NTM: variants seen among roughly 807,000 people sequenced by gnomAD.
NTM encodes the protein neurotrimin, also known as IgLON family member 2.
In NTM, 13 loss-of-function variants were observed where a neutral mutation model predicts 42.1. The observed-to-expected ratio is 0.31, with a 90% CI of 0.20 to 0.49. NTM has a LOEUF of 0.49. Ranked by LOEUF, NTM falls within the 20% of genes least tolerant of loss-of-function variation. The pLI is 0.99. For missense variants in NTM, 373 were observed against 452.8 expected (o/e 0.82, Z 1.60); for synonymous variants, 187 against 179.2 (o/e 1.04, Z -0.35).
intron 2 of NTM, among the ~76,000 whole-genome samples, chr11:132,024,418 A>G (rs2074866089): frequency 6.6e-6 from 1 of 152,238 alleles, no homozygotes; most frequent in African/African-American, 2.4e-5. Flanking sequence ...TATTTGTAGA[A>G]AATCTATGCA....
At chr11:132,102,817 C>A (rs1024460867) in intron 2 of NTM, among the ~76,000 whole-genome samples, 4 of 152,160 alleles carry the variant, frequency 2.6e-5, no homozygotes, top group South Asian at 2.1e-4. Context: ...TTAGACAGCC[C>A]CCTTGCTCCC....
chr11:131,946,475 T>C (rs913774997), intron 2 of NTM, among the ~76,000 whole-genome samples: 4 of 152,180 alleles, frequency 2.6e-5, no homozygotes, highest in Non-Finnish European at 4.4e-5. Flanking sequence ...TATATGCAAT[T>C]GTTAAGACAA....
intron 4 of NTM, among the ~76,000 whole-genome samples, chr11:132,297,019 C>T (rs2094636651): frequency 6.6e-6 from 1 of 152,170 alleles, no homozygotes; most frequent in Admixed American, 6.5e-5. Flanking sequence ...GTCATGTCTC[C>T]CTTTCTCCTG....
chr11:131,492,063 A>G (rs1011467130), intron 1 of NTM, among the ~76,000 whole-genome samples: 12 of 152,300 alleles, frequency 7.9e-5, no homozygotes, highest in African/African-American at 2.9e-4. Context: ...AATTTGCCCT[A>G]GGTCACTCTG....
At chr11:131,932,879 C>CGGGACACACAAAGCCTCTTA (rs1393081897) in intron 2 of NTM, among the ~76,000 whole-genome samples, 1 of 152,060 alleles carries the variant, frequency 6.6e-6, no homozygotes, top group Non-Finnish European at 1.5e-5. Context: ...TTTAACTGCC[C>CGGGACACACAAAGCCTCTTA]GGGACACACA....
chr11:131,586,442 C>T (rs1397011807), intron 1 of NTM, among the ~76,000 whole-genome samples: 1 of 152,170 alleles, frequency 6.6e-6, no homozygotes, highest in Non-Finnish European at 1.5e-5. Flanking sequence ...GATTACTCAC[C>T]CAGGGAGCCA....
intron 2 of NTM, among the ~76,000 whole-genome samples, chr11:131,980,546 A>G (rs1016250189): frequency 6.6e-6 from 1 of 152,246 alleles, no homozygotes; most frequent in Admixed American, 6.5e-5. Flanking sequence ...TAAATGAACA[A>G]TTACCTGAAT....
At chr11:132,298,380 C>T (rs1462746910) in intron 4 of NTM, among the ~76,000 whole-genome samples, 1 of 152,136 alleles carries the variant, frequency 6.6e-6, no homozygotes, top group Non-Finnish European at 1.5e-5. Context: ...ACACAGTTCC[C>T]AGACATCAAG....
rs139416841 is a variant in NTM, at chr11:131,434,608, T to C, written c.82+63720T>C. On this transcript the variant is annotated intron_variant, in intron 1 of 8. Transcript: ENST00000683400. ...TCTTCTTTTGAGAAGTGTCTGTTCA[T>C]ATCCTTTGCGCACTTTTCGATGAGG... Among the ~76,000 whole-genome samples, 1,294 of 152,360 alleles carry C rather than the reference T, an allele frequency of 8.5e-3. 25 individuals carry two copies. The highest frequency in any genetic ancestry group is 0.03 in the African/African-American group (1,250 of 41,576).
At chr11:131,422,104 CT>C (rs1947596137) in intron 1 of NTM, among the ~76,000 whole-genome samples, 1 of 152,204 alleles carries the variant, frequency 6.6e-6, no homozygotes, top group African/African-American at 2.4e-5. Context: ...ATCCCGTCTA[CT>C]TTGCCTGATG....
chr11:132,264,773 C>T (rs1395488588), intron 4 of NTM, among the ~76,000 whole-genome samples: 1 of 152,128 alleles, frequency 6.6e-6, no homozygotes, highest in African/African-American at 2.4e-5. Flanking sequence ...TATCTCATTA[C>T]CCAGGCCTTG....
At chr11:131,643,450 G>C (rs1469214651) in intron 1 of NTM, among the ~76,000 whole-genome samples, 1 of 152,210 alleles carries the variant, frequency 6.6e-6, no homozygotes, top group African/African-American at 2.4e-5. Context: ...AGGGGATGAA[G>C]GCTGTTAGTG....
intron 4 of NTM, among the ~76,000 whole-genome samples, chr11:132,252,066 C>G (rs1423682908): frequency 6.6e-6 from 1 of 152,180 alleles, no homozygotes; most frequent in Non-Finnish European, 1.5e-5. Flanking sequence ...GTCCTTGGAG[C>G]ACTCCCTGCC....
intron 1 of NTM, among the ~76,000 whole-genome samples, chr11:131,676,481 G>C (rs2071417161): frequency 6.6e-6 from 1 of 152,168 alleles, no homozygotes; most frequent in African/African-American, 2.4e-5. Flanking sequence ...GCGTGTGCGG[G>C]GGTATGCCTG....
At chr11:132,007,036 G>A (rs1565933244) in intron 2 of NTM, among the ~76,000 whole-genome samples, 2 of 152,208 alleles carry the variant, frequency 1.3e-5, no homozygotes, top group Non-Finnish European at 2.9e-5. Context: ...ATGACATCCA[G>A]TGACTTTCAA....
intron 1 of NTM, among the ~76,000 whole-genome samples, chr11:131,864,523 T>A (rs1266262388): frequency 2.0e-5 from 3 of 152,250 alleles, no homozygotes; most frequent in African/African-American, 7.2e-5. Context: ...TGCAAGGCTC[T>A]GAAACCCTGG....
At chr11:132,202,491 T>C (rs2081310590) in intron 3 of NTM, among the ~76,000 whole-genome samples, 1 of 152,142 alleles carries the variant, frequency 6.6e-6, no homozygotes, top group South Asian at 2.1e-4. Context: ...GGGAAACAGA[T>C]GGCCCTGTCT....
intron 1 of NTM, chr11:131,794,460 C>A (rs1449380307): frequency 7.1e-6 from 7 of 985,080 alleles, no homozygotes; most frequent in Non-Finnish European, 8.4e-6. Flanking sequence ...AGGCGTTTGC[C>A]TTTCCTCCCC....
At chr11:131,554,222 A>G (rs921424731) in intron 1 of NTM, among the ~76,000 whole-genome samples, 13 of 152,134 alleles carry the variant, frequency 8.5e-5, no homozygotes, top group Non-Finnish European at 1.8e-4. Flanking sequence ...TGTCATAGTG[A>G]TGCCCATAGT....
Sources: allele counts gnomAD v4.1 joint callset (sites outside exome capture counted in the v4.1 genomes callset), GRCh38; gene constraint gnomAD v4.1.1; transcripts MANE v1.5; gene names NCBI Gene and HGNC (gene_info 2026-07-23, HGNC 2026-07-21).